TIPIN: variants seen among roughly 807,000 people sequenced by gnomAD.
TIPIN encodes TIMELESS-interacting protein.
In TIPIN, 29 loss-of-function variants were observed where a neutral mutation model predicts 35.6. That is an observed-to-expected ratio of 0.82 (90% CI 0.61 to 1.11). The LOEUF is 1.11. Among genes scored for constraint, TIPIN ranks in the 50% most tolerant of loss-of-function variants. The pLI is 0.00. For synonymous variants in TIPIN, 102 were observed against 121.5 expected (o/e 0.84, Z 1.06); for missense variants, 296 against 345.4 (o/e 0.86, Z 1.13).
At chr15:66,337,415 G>A (rs1380876620) in intron 7 of TIPIN, among the ~76,000 whole-genome samples, 2 of 150,056 alleles carry the variant, frequency 1.3e-5, no homozygotes, top group African/African-American at 4.9e-5. Flanking sequence ...AACCTCCACC[G>A]GGTTCAAGTG....
intron 1 of TIPIN, among the ~76,000 whole-genome samples, chr15:66,372,627 C>T (rs547280243): frequency 6.6e-5 from 10 of 152,278 alleles, no homozygotes; most frequent in African/African-American, 2.4e-4. Flanking sequence ...ATAATAGGGC[C>T]GGGACCTGTG....
At chr15:66,385,643 C>A (rs2093334766) in intron 1 of TIPIN, among the ~76,000 whole-genome samples, 1 of 152,070 alleles carries the variant, frequency 6.6e-6, no homozygotes, top group Non-Finnish European at 1.5e-5. Context: ...CACCCGCCAC[C>A]ACGCCCAGCT....
chr15:66,341,924 G>A (rs138629397), intron 6 of TIPIN, among the ~76,000 whole-genome samples: 1,881 of 152,212 alleles, frequency 0.012, 33 homozygotes, highest in African/African-American at 0.041. Flanking sequence ...GGTGGCTCAC[G>A]CCTGTAATCC....
chr15:66,338,813 CA>C (rs35966273), intron 7 of TIPIN, among the ~76,000 whole-genome samples: 3,483 of 35,294 alleles, frequency 0.099, 25 homozygotes, highest in Non-Finnish European at 0.13. Context: ...GACTCCGTCT[CA>C]AAAAAAAAAA....
intron 1 of TIPIN, chr15:66,383,122 AT>A: frequency 2.4e-6 from 1 of 413,702 alleles, no homozygotes; most frequent in Non-Finnish European, 3.3e-6. Context: ...AGAATGCTGC[AT>A]TTTACACAGA....
chr15:66,363,290 CT>C (rs2093239020), intron 1 of TIPIN, among the ~76,000 whole-genome samples: 1 of 150,936 alleles, frequency 6.6e-6, no homozygotes, highest in South Asian at 2.1e-4. Context: ...GGCGGATTGC[CT>C]GAGGTCAGGA....
chr15:66,337,686 A>G (rs1456447485), intron 7 of TIPIN, among the ~76,000 whole-genome samples: 3 of 151,824 alleles, frequency 2.0e-5, no homozygotes, highest in South Asian at 2.1e-4. Flanking sequence ...CCCGATCCCA[A>G]CAATGTGGGA....
In TIPIN at chr15:66,348,027, A is replaced by G. The variant is rs2093138939; in HGVS notation, c.475+1033T>C. On this transcript the variant is annotated intron_variant, in intron 6 of 7. Transcript: ENST00000261881. ...TTCTTTCTTTTTTTTTTTTTTTTCC[A>G]GACAAGGTCTCTCACCCTATTTATT... 9.0e-5 allele frequency among the ~76,000 whole-genome samples: 5 copies of G among 55,642 alleles called. No homozygotes were observed. The South Asian group carries it at 2.3e-3, about 26-fold the overall frequency. 36.5% of individuals were successfully genotyped at this position (55,642 alleles called of 152,430 possible).
intron 1 of TIPIN, chr15:66,383,461 C>G (rs2093325305): frequency 3.4e-6 from 1 of 296,022 alleles, no homozygotes; most frequent in Non-Finnish European, 5.0e-6. Context: ...CAGGGTTTCA[C>G]CATGTTGGCC....
chr15:66,383,265 A>C (rs1316485602), intron 1 of TIPIN, among the ~76,000 whole-genome samples: 3 of 144,274 alleles, frequency 2.1e-5, no homozygotes, highest in African/African-American at 7.3e-5. Context: ...GAAAAGTTTC[A>C]ATTTTTTTTT....
chr15:66,355,115 G>C (rs1235229408), intron 1 of TIPIN, among the ~76,000 whole-genome samples: 1 of 144,252 alleles, frequency 6.9e-6, no homozygotes, highest in Non-Finnish European at 1.5e-5. Context: ...CTCACTGCAA[G>C]CTCCGCCTCC....
intron 1 of TIPIN, among the ~76,000 whole-genome samples, chr15:66,363,333 C>T (rs1042170374): frequency 2.2e-4 from 34 of 151,880 alleles, no homozygotes; most frequent in African/African-American, 7.0e-4. Context: ...CATGGTGAAA[C>T]GCCGTCTCTA....
rs781417437 is a variant in TIPIN, at chr15:66,349,061, A to G, written c.474T>C (p.Asn158=). 5 of 1,608,066 alleles carry G rather than the reference A, an allele frequency of 3.1e-6. No homozygotes were observed. Among genetic ancestry groups the G allele is most frequent in the Non-Finnish European group, 4.3e-6 (5 of 1,176,466 alleles). ...PILHEDFVSN[N]DEVAENNEHD... Reference sequence around the variant, plus strand: ...AAGTAGATAAACCTATATTCTTACCATTATTGCTAACAAAATCTTCATGTA... The same window carrying G: ...AAGTAGATAAACCTATATTCTTACCGTTATTGCTAACAAAATCTTCATGTA... The change falls in exon 6 of 8, where the codon AAT becomes AAC. Residue 158 remains asparagine, a splice_region_variant and synonymous_variant. Coordinates refer to ENST00000261881, the MANE Select transcript of TIPIN (RefSeq NM_017858.3).
intron 1 of TIPIN, among the ~76,000 whole-genome samples, chr15:66,382,053 ACT>A (rs1239658571): frequency 2.8e-5 from 3 of 105,982 alleles, no homozygotes; most frequent in South Asian, 4.4e-4. Flanking sequence ...GATGAGTGAA[ACT>A]CTGTCTCAAA....
At chr15:66,377,240 C>T (rs747618986) in intron 1 of TIPIN, among the ~76,000 whole-genome samples, 9 of 151,974 alleles carry the variant, frequency 5.9e-5, no homozygotes, top group Non-Finnish European at 1.3e-4. Context: ...TTTCTCTAAG[C>T]GAGTAGAATT....
chr15:66,356,785 C>T (rs2093207145), upstream of TIPIN: 2 of 971,544 alleles, frequency 2.1e-6, no homozygotes, highest in Non-Finnish European at 2.4e-6. Flanking sequence ...CCTGCAAAAC[C>T]CGCCTCTCAG....
intron 1 of TIPIN, among the ~76,000 whole-genome samples, chr15:66,365,120 C>T (rs1393707872): frequency 6.6e-6 from 1 of 151,916 alleles, no homozygotes; most frequent in Non-Finnish European, 1.5e-5. Flanking sequence ...CATTCTTTGT[C>T]TCAAAATGAG....
intron 6 of TIPIN, among the ~76,000 whole-genome samples, chr15:66,343,426 T>C (rs892930678): frequency 1.3e-4 from 20 of 152,188 alleles, no homozygotes; most frequent in Admixed American, 1.3e-3. Context: ...TAGCTAATTA[T>C]AGAAAAACTA....
intron 1 of TIPIN, among the ~76,000 whole-genome samples, chr15:66,370,282 A>T (rs59718328): frequency 0.22 from 33,184 of 152,084 alleles, 4,207 homozygotes; most frequent in Middle Eastern, 0.33. Flanking sequence ...TGGATCTGAC[A>T]TCCTGTATGG....
Sources: allele counts gnomAD v4.1 joint callset (sites outside exome capture counted in the v4.1 genomes callset), GRCh38; gene constraint gnomAD v4.1.1; transcripts MANE v1.5; gene names NCBI Gene and HGNC (gene_info 2026-07-23, HGNC 2026-07-21).